GPC5: variants seen among roughly 807,000 people sequenced by gnomAD.
GPC5 encodes glypican 5.
Under a neutral mutation model 53.9 loss-of-function variants are expected in GPC5, and 47 were observed. That is an observed-to-expected ratio of 0.87 (90% CI 0.69 to 1.11). The LOEUF (loss-of-function observed/expected upper bound fraction) is 1.11, where lower values mean the gene tolerates loss of function less well. GPC5 is among the 50% of genes most tolerant of loss of function. GPC5 has a pLI of 0.00. For missense variants in GPC5, 748 were observed against 713.1 expected, an observed-to-expected ratio of 1.05 and a Z score of -0.56; for synonymous variants, 286 against 263.3, an observed-to-expected ratio of 1.09 and a Z score of -0.84.
At chr13:91,897,368 T>TGTGC (rs1555295196) in intron 5 of GPC5, among the ~76,000 whole-genome samples, 3,800 of 149,422 alleles carry the variant, frequency 0.025, 62 homozygotes, top group South Asian at 0.054. Context: ...TGTGTGTGTG[T>TGTGC]GCGCCTGTGC....
intron 6 of GPC5, among the ~76,000 whole-genome samples, chr13:91,942,096 G>C (rs1037126183): frequency 6.6e-6 from 1 of 152,000 alleles, no homozygotes; most frequent in Non-Finnish European, 1.5e-5. Context: ...CAAATTTCAA[G>C]TATACAATAC....
intron 7 of GPC5, among the ~76,000 whole-genome samples, chr13:92,228,094 A>G (rs1168007634): frequency 6.6e-6 from 1 of 151,484 alleles, no homozygotes; most frequent in African/African-American, 2.4e-5. Flanking sequence ...GAGGAGGAGG[A>G]GGAAGAAGAT....
intron 1 of GPC5, among the ~76,000 whole-genome samples, chr13:91,432,587 C>A (rs978256059): frequency 1.3e-5 from 2 of 151,962 alleles, no homozygotes; most frequent in African/African-American, 4.8e-5. Context: ...CTGAATTTGT[C>A]GGTTGCCAAG....
chr13:92,552,158 G>A (rs2139017535), intron 7 of GPC5, among the ~76,000 whole-genome samples: 1 of 151,968 alleles, frequency 6.6e-6, no homozygotes, highest in African/African-American at 2.4e-5. Flanking sequence ...TTTAAAGTAA[G>A]TGTGAAGAGT....
intron 4 of GPC5, among the ~76,000 whole-genome samples, chr13:91,742,839 A>G (rs1012129327): frequency 6.6e-6 from 1 of 152,134 alleles, no homozygotes; most frequent in Non-Finnish European, 1.5e-5. Flanking sequence ...ATTTGCTGTC[A>G]ACCTTAGGTT....
chr13:92,400,063 A>G (rs1203240896), intron 7 of GPC5, among the ~76,000 whole-genome samples: 2 of 152,058 alleles, frequency 1.3e-5, no homozygotes, highest in Admixed American at 6.5e-5. Flanking sequence ...ATGGCTTGCT[A>G]TTTTTCTTCG....
intron 1 of GPC5, among the ~76,000 whole-genome samples, chr13:91,411,159 T>C (rs973657505): frequency 6.6e-6 from 1 of 152,166 alleles, no homozygotes; most frequent in African/African-American, 2.4e-5. Flanking sequence ...AAAATAATGC[T>C]ATTTGAATTA....
At chr13:92,281,560 A>C (rs1281600709) in intron 7 of GPC5, among the ~76,000 whole-genome samples, 1 of 152,112 alleles carries the variant, frequency 6.6e-6, no homozygotes, top group African/African-American at 2.4e-5. Context: ...TTGCAGAGGA[A>C]AGATCAGGCA....
intron 2 of GPC5, among the ~76,000 whole-genome samples, chr13:91,627,907 A>G (rs2034050099): frequency 6.6e-6 from 1 of 152,150 alleles, no homozygotes; most frequent in Non-Finnish European, 1.5e-5. Flanking sequence ...GTAAATGTTT[A>G]CCACTATTAG....
intron 6 of GPC5, among the ~76,000 whole-genome samples, chr13:91,918,279 A>G (rs1345340739): frequency 6.6e-6 from 1 of 152,196 alleles, no homozygotes; most frequent in Non-Finnish European, 1.5e-5. Context: ...CCTTCCCTTG[A>G]CATGTGGGTA....
chr13:92,286,958 G>T (rs2042959962), intron 7 of GPC5, among the ~76,000 whole-genome samples: 1 of 152,118 alleles, frequency 6.6e-6, no homozygotes, highest in South Asian at 2.1e-4. Flanking sequence ...GTAGGTACAA[G>T]ATGGCCATAT....
At chr13:92,362,673 C>G (rs12876476) in intron 7 of GPC5, among the ~76,000 whole-genome samples, 1 of 151,718 alleles carries the variant, frequency 6.6e-6, no homozygotes, top group Non-Finnish European at 1.5e-5. Context: ...TTTGGTTTCT[C>G]CCATTGCCAG....
chr13:92,393,252 A>G (rs1396168410), intron 7 of GPC5, among the ~76,000 whole-genome samples: 1 of 152,218 alleles, frequency 6.6e-6, no homozygotes, highest in African/African-American at 2.4e-5. Flanking sequence ...TTGCAGAAAT[A>G]TAGTTGGAGC....
intron 7 of GPC5, among the ~76,000 whole-genome samples, chr13:92,700,197 T>C (rs994193397): frequency 6.6e-6 from 1 of 152,154 alleles, no homozygotes; most frequent in Non-Finnish European, 1.5e-5. Context: ...TATTTGTCTC[T>C]TTTGAACTTT....
At chr13:92,381,181 A>C (rs1301972788) in intron 7 of GPC5, among the ~76,000 whole-genome samples, 1 of 152,202 alleles carries the variant, frequency 6.6e-6, no homozygotes, top group East Asian at 1.9e-4. Context: ...TGAGCATTGT[A>C]CCTTAAACTT....
intron 1 of GPC5, among the ~76,000 whole-genome samples, chr13:91,421,912 C>T (rs1594066607): frequency 6.6e-6 from 1 of 152,158 alleles, no homozygotes; most frequent in Admixed American, 6.5e-5. Context: ...AAGCAGGTCT[C>T]CTGCTAAAAT....
chr13:92,706,051 C>A (rs1220037204), intron 7 of GPC5: 1 of 152,060 alleles, frequency 6.6e-6, no homozygotes, highest in Admixed American at 6.6e-5. Flanking sequence ...TTGTGCCCTG[C>A]ACTCCAGCCT....
intron 7 of GPC5, among the ~76,000 whole-genome samples, chr13:92,822,838 G>A (rs1296117659): frequency 6.6e-6 from 1 of 152,018 alleles, no homozygotes; most frequent in Non-Finnish European, 1.5e-5. Flanking sequence ...AAACTCTTAC[G>A]GATCTTGTCT....
chr13:92,062,869 C>G (rs996377134), intron 6 of GPC5, among the ~76,000 whole-genome samples: 1 of 151,940 alleles, frequency 6.6e-6, no homozygotes, highest in African/African-American at 2.4e-5. Flanking sequence ...ATTTATTGAG[C>G]ACCTAGTGGG....
Sources: allele counts gnomAD v4.1 joint callset (sites outside exome capture counted in the v4.1 genomes callset), GRCh38; gene constraint gnomAD v4.1.1; transcripts MANE v1.5; gene names NCBI Gene and HGNC (gene_info 2026-07-23, HGNC 2026-07-21).